SIK3: variants seen among roughly 807,000 people sequenced by gnomAD.
SIK3 encodes SIK family kinase 3, also known as serine/threonine-protein kinase SIK3.
SIK3 carries 28 observed loss-of-function variants against 144.2 expected under a neutral mutation model. The ratio of observed to expected loss-of-function variants is 0.19; its 90% CI spans 0.14 to 0.27. The LOEUF is 0.27. SIK3 is among the 10% of genes least tolerant of loss of function. The pLI, the probability that SIK3 is intolerant of heterozygous loss-of-function variation, is 1.00. For synonymous variants in SIK3, 686 were observed against 676.3 expected, an observed-to-expected ratio of 1.01 and a Z score of -0.22; for missense variants, 1,319 against 1,776.0, an observed-to-expected ratio of 0.74 and a Z score of 4.62.
rs554488281 is a variant in SIK3 at position 116,894,571 on chromosome 11, A to G, written c.865+1682T>C. 8.5e-5 allele frequency among the ~76,000 whole-genome samples: 13 copies of G among 152,344 alleles called. 1 individual carries two copies. The South Asian group carries it at 2.1e-3, about 24-fold the overall frequency. On this transcript the variant is annotated intron_variant, in intron 6 of 24. Coordinates refer to ENST00000445177, the MANE Select transcript of SIK3 (RefSeq NM_001366686.3). Reference sequence around the variant, plus strand: ...AACACTAAATGTTATTGGAGCCAAAATACCTGGGTTCAAATTCTACTTCAG... The same window carrying G: ...AACACTAAATGTTATTGGAGCCAAAGTACCTGGGTTCAAATTCTACTTCAG...
At chr11:117,006,940 AAAGCCACC>A (rs1951070505) in intron 1 of SIK3, among the ~76,000 whole-genome samples, 1 of 152,370 alleles carries the variant, frequency 6.6e-6, no homozygotes, top group South Asian at 2.1e-4. Flanking sequence ...TGATCCTAGC[AAAGCCACC>A]AATAACAGAG....
chr11:116,901,624 T>C (rs565481213), intron 4 of SIK3, among the ~76,000 whole-genome samples: 1 of 152,328 alleles, frequency 6.6e-6, no homozygotes, highest in East Asian at 1.9e-4. Context: ...TTTCCCTTTA[T>C]TATTTGAATA....
intron 1 of SIK3, among the ~76,000 whole-genome samples, chr11:116,971,552 T>C (rs1949764490): frequency 6.6e-6 from 1 of 152,244 alleles, no homozygotes; most frequent in Admixed American, 6.5e-5. Flanking sequence ...TAAATTTTTT[T>C]GTTACTTTTT....
intron 16 of SIK3, 71 bp downstream of exon 16, chr11:116,863,597 C>A: frequency 1.2e-6 from 2 of 1,603,574 alleles, no homozygotes; most frequent in South Asian, 1.1e-5. Flanking sequence ...CGTTTACCAC[C>A]CCAGTCCTCC....
At chr11:117,094,018 G>C (rs775307680) in intron 1 of SIK3, among the ~76,000 whole-genome samples, 34 of 152,156 alleles carry the variant, frequency 2.2e-4, no homozygotes, top group Non-Finnish European at 4.4e-4. Context: ...TGCTCTAAGA[G>C]CTTTACATAC....
chr11:116,994,613 G>A (rs1156843369), intron 1 of SIK3, among the ~76,000 whole-genome samples: 1 of 152,080 alleles, frequency 6.6e-6, no homozygotes, highest in Non-Finnish European at 1.5e-5. Context: ...AAATCCCTTT[G>A]GGATTAGCTA....
chr11:117,056,548 TATAG>T (rs1489039767), intron 1 of SIK3, among the ~76,000 whole-genome samples: 30 of 78,186 alleles, frequency 3.8e-4, no homozygotes, highest in Admixed American at 2.4e-3. Flanking sequence ...TAGATATAGA[TATAG>T]ATATAGATAT....
chr11:116,906,546 C>A (rs1465948188), intron 4 of SIK3, among the ~76,000 whole-genome samples: 2 of 151,962 alleles, frequency 1.3e-5, no homozygotes, highest in African/African-American at 2.4e-5. Flanking sequence ...AAAGAGGATG[C>A]AGCAAAAAGG....
At chr11:116,977,482 A>G (rs1382127588) in intron 1 of SIK3, among the ~76,000 whole-genome samples, 1 of 152,162 alleles carries the variant, frequency 6.6e-6, no homozygotes, top group African/African-American at 2.4e-5. Context: ...AAAAAAGACG[A>G]AGAAATCTAG....
chr11:116,856,109 A>T (rs912436346), intron 21 of SIK3, among the ~76,000 whole-genome samples: 3 of 151,056 alleles, frequency 2.0e-5, no homozygotes, highest in African/African-American at 7.3e-5. Flanking sequence ...AGGCAGGAGA[A>T]TGGCGTGAGC....
At chr11:117,074,329 C>G (rs867540908) in intron 1 of SIK3, among the ~76,000 whole-genome samples, 5 of 152,128 alleles carry the variant, frequency 3.3e-5, no homozygotes, top group African/African-American at 1.2e-4. Context: ...TATTTTCCCA[C>G]CCCCACTTCC....
intron 3 of SIK3, among the ~76,000 whole-genome samples, chr11:116,928,598 A>G (rs1947415656): frequency 6.6e-6 from 1 of 152,198 alleles, no homozygotes; most frequent in African/African-American, 2.4e-5. Flanking sequence ...AGGGTAGCAC[A>G]TATTTACTAG....
chr11:116,958,382 T>G (rs568366209), intron 1 of SIK3, among the ~76,000 whole-genome samples: 82 of 152,298 alleles, frequency 5.4e-4, no homozygotes, highest in Admixed American at 1.1e-3. Flanking sequence ...GGGAGATAAA[T>G]TTCAGCTGTA....
intron 1 of SIK3, among the ~76,000 whole-genome samples, chr11:117,091,224 G>A (rs1190659034): frequency 1.3e-5 from 1 of 76,706 alleles, no homozygotes; most frequent in African/African-American, 4.5e-5. Context: ...TTTTTTTTGA[G>A]ACGGAGTTTC....
At chr11:117,034,594 C>A (rs867107034) in intron 1 of SIK3, among the ~76,000 whole-genome samples, 1 of 152,116 alleles carries the variant, frequency 6.6e-6, no homozygotes, top group Non-Finnish European at 1.5e-5. Flanking sequence ...AAAAGTGGGT[C>A]TTATAAAGGC....
At chr11:117,094,774 C>CAA (rs60547714) in intron 1 of SIK3, among the ~76,000 whole-genome samples, 13 of 141,572 alleles carry the variant, frequency 9.2e-5, no homozygotes, top group East Asian at 4.0e-4. Flanking sequence ...AGTTTCCTAC[C>CAA]AAAAAAAAAA....
chr11:116,869,328 G>A (rs1246744861), intron 14 of SIK3: 4 of 152,178 alleles, frequency 2.6e-5, no homozygotes, highest in African/African-American at 9.7e-5. Context: ...CAGAGCTACT[G>A]GGGATAGGAT....
At chr11:116,992,341 C>A (rs1321388532) in intron 1 of SIK3, among the ~76,000 whole-genome samples, 1 of 143,140 alleles carries the variant, frequency 7.0e-6, no homozygotes, top group Non-Finnish European at 1.5e-5. Flanking sequence ...AAAAACACCT[C>A]ATATATTTGT....
intron 1 of SIK3, among the ~76,000 whole-genome samples, chr11:117,075,152 A>G (rs1478918141): frequency 6.6e-6 from 1 of 152,208 alleles, no homozygotes. Context: ...CATATAAGAC[A>G]CAGATAATAT....
Sources: gnomAD v4.1 joint callset for allele counts (sites outside exome capture counted in the v4.1 genomes callset) on GRCh38, gnomAD v4.1.1 for gene constraint, MANE v1.5 for transcripts, NCBI Gene and HGNC (gene_info 2026-07-23, HGNC 2026-07-21) for gene names.